ZBTB43: variants seen among roughly 807,000 people sequenced by gnomAD.
ZBTB43 encodes the protein zinc finger and BTB domain-containing protein 43.
Under a neutral mutation model 31.1 loss-of-function variants are expected in ZBTB43, and 6 were observed. That is an observed-to-expected ratio of 0.19 (90% CI 0.11 to 0.38). The LOEUF (loss-of-function observed/expected upper bound fraction) is 0.38, where lower values mean the gene tolerates loss of function less well. ZBTB43 is among the 10% of genes least tolerant of loss of function. The probability of loss-of-function intolerance (pLI) is 1.00; values close to 1 mark genes in which losing one functional copy is unlikely to be tolerated. For synonymous variants in ZBTB43, 212 were observed against 221.7 expected (o/e 0.96, Z 0.39); for missense variants, 379 against 602.1 (o/e 0.63, Z 3.88).
At chr9:126,816,314 T>C (rs995173686) in intron 2 of ZBTB43, among the ~76,000 whole-genome samples, 10 of 152,204 alleles carry the variant, frequency 6.6e-5, no homozygotes, top group Admixed American at 5.9e-4. Flanking sequence ...CTGCTTCTTA[T>C]TGCCTGTGTA....
intron 2 of ZBTB43, among the ~76,000 whole-genome samples, chr9:126,830,777 T>G (rs1344455484): frequency 6.6e-6 from 1 of 151,772 alleles, no homozygotes; most frequent in Non-Finnish European, 1.5e-5. Flanking sequence ...TTTGGGGGAA[T>G]TACAGAGTAT....
chr9:126,813,938 T>C (rs1173721633), intron 2 of ZBTB43, among the ~76,000 whole-genome samples: 1 of 152,208 alleles, frequency 6.6e-6, no homozygotes, highest in Non-Finnish European at 1.5e-5. Context: ...ATTTCCGCTT[T>C]GGAGAATTTA....
At chr9:126,824,454 A>C (rs533333724) in intron 2 of ZBTB43, among the ~76,000 whole-genome samples, 75 of 152,236 alleles carry the variant, frequency 4.9e-4, no homozygotes, top group Non-Finnish European at 4.4e-5. Context: ...TTGTAGAGCA[A>C]GTCTACAGGT....
rs147436593 is a variant in ZBTB43, at chr9:126,833,163, C to T, written c.654C>T (p.Gly218=). 718 of 1,613,882 alleles carry T rather than the reference C, an allele frequency of 4.4e-4. 5 individuals carry two copies. The African/African-American group carries it at 8.3e-3, about 19-fold the overall frequency. ...TEMASQDGEE[G]ASDSAEFHYT... The stretch of plus-strand genomic sequence containing the variant: ...TGGCAAGCCAGGATGGGGAGGAGGG[C>T]GCCAGCGACAGCGCCGAGTTCCACT... The change falls in exon 3 of 3, where the codon GGC becomes GGT. Residue 218 remains glycine, a synonymous_variant. Coordinates refer to ENST00000373464, the MANE Select transcript of ZBTB43 (RefSeq NM_014007.4). This position sits in a 1 kb window ranked among gnomAD's most constrained non-coding sequence, Gnocchi z 7.9.
intron 2 of ZBTB43, among the ~76,000 whole-genome samples, chr9:126,817,226 T>C (rs1457300323): frequency 1.4e-5 from 2 of 147,994 alleles, no homozygotes; most frequent in Non-Finnish European, 3.0e-5. Flanking sequence ...ATTTCCCCTC[T>C]TCAGCCTTCT....
At chr9:126,828,654 A>AATTATTATTATTATT (rs59664603) in intron 2 of ZBTB43, among the ~76,000 whole-genome samples, 18 of 127,724 alleles carry the variant, frequency 1.4e-4, no homozygotes, top group African/African-American at 4.7e-4. Context: ...TAATAATAAT[A>AATTATTATTATTATT]ATTATTATTA....
At chr9:126,805,659 T>C (rs1282015280) in intron 1 of ZBTB43, among the ~76,000 whole-genome samples, 1 of 152,228 alleles carries the variant, frequency 6.6e-6, no homozygotes, top group Admixed American at 6.5e-5. Flanking sequence ...GTCAACCTGA[T>C]ATTTCTCTCC....
At position 126,833,127 on chromosome 9, in the gene ZBTB43, G is replaced by C; in HGVS notation, c.618G>C (p.Leu206=). 6.2e-7 allele frequency: 1 copy of C among 1,614,052 alleles called. No individual in the cohort carries two copies. The highest frequency in any genetic ancestry group is 8.5e-7 in the Non-Finnish European group (1 of 1,180,056). Reference sequence around the variant, plus strand: ...ACTCGTCCACAGAGCATGACCGCCTGAGCACGGAAATGGCAAGCCAGGATG... The same window carrying C: ...ACTCGTCCACAGAGCATGACCGCCTCAGCACGGAAATGGCAAGCCAGGATG... ...PSNSSTEHDR[L]STEMASQDGE... The change falls in exon 3 of 3, where the codon CTG becomes CTC. Residue 206 remains leucine (L), a synonymous_variant. Coordinates refer to ENST00000373464, the MANE Select transcript of ZBTB43 (RefSeq NM_014007.4). This position sits in a 1 kb window ranked among gnomAD's most constrained non-coding sequence, Gnocchi z 7.9.
At chr9:126,813,632 A>T (rs2032298286) in intron 2 of ZBTB43, among the ~76,000 whole-genome samples, 1 of 152,092 alleles carries the variant, frequency 6.6e-6, no homozygotes, top group Non-Finnish European at 1.5e-5. Flanking sequence ...TGGACCAATA[A>T]CTCAGTGTCT....
intron 2 of ZBTB43, among the ~76,000 whole-genome samples, chr9:126,824,311 C>T (rs190862178): frequency 6.6e-6 from 1 of 152,362 alleles, no homozygotes; most frequent in Admixed American, 6.5e-5. Flanking sequence ...AGGCATGAGC[C>T]ACTGAGCCCA....
At position 126,836,853 on chromosome 9, in the gene ZBTB43, C is replaced by G. The variant is rs375580565; in HGVS notation, c.*2940C>G. On this transcript the variant is annotated 3_prime_UTR_variant, in exon 3 of 3. Coordinates refer to ENST00000373464, the MANE Select transcript of ZBTB43 (RefSeq NM_014007.4). ...GCATGGTGGCTCACGCCTGTAATCC[C>G]AGCACTTTGGGAGGCCGAGATGGGT... The G allele has an allele frequency of 1.9e-5, 3 of 159,656 alleles. No individual in the cohort carries two copies. Among genetic ancestry groups the G allele is most frequent in the African/African-American group, 7.2e-5 (3 of 41,538 alleles). 9.9% of individuals were successfully genotyped at this position (159,656 alleles called of 1,614,324 possible).
chr9:126,822,099 G>A (rs537557956), intron 2 of ZBTB43, among the ~76,000 whole-genome samples: 1 of 151,464 alleles, frequency 6.6e-6, no homozygotes, highest in Admixed American at 6.6e-5. Context: ...TCAGGTGCTC[G>A]CCCGCCTGGG....
chr9:126,831,392 T>A (rs1029734415), intron 2 of ZBTB43: 1 of 152,204 alleles, frequency 6.6e-6, no homozygotes, highest in Admixed American at 6.6e-5. Flanking sequence ...TAGACCCAGC[T>A]ACACAAGAGG....
chr9:126,823,964 T>G (rs1238493314), intron 2 of ZBTB43, among the ~76,000 whole-genome samples: 1 of 152,254 alleles, frequency 6.6e-6, no homozygotes, highest in African/African-American at 2.4e-5. Flanking sequence ...ATAATTGTTT[T>G]ATGCATTCAT....
rs914718192 is a variant in ZBTB43, at chr9:126,834,049, C to T, written c.*136C>T. ...AAAAAAGGAAGATATTTCTGAAAGA[C>T]CAGCTCTAAGTAGGCCAATTAAAAA... On this transcript the variant is annotated 3_prime_UTR_variant, in exon 3 of 3. Coordinates refer to ENST00000373464, the MANE Select transcript of ZBTB43 (RefSeq NM_014007.4). The T allele has an allele frequency of 2.8e-6, 3 of 1,056,560 alleles. No individual in the cohort carries two copies. The African/African-American group carries it at 4.8e-5, about 17-fold the overall frequency. The allele number at this position is 1,056,560 out of a possible 1,614,324, so 65.4% of individuals were successfully genotyped here. A position where few individuals can be genotyped will look rare whatever the true frequency, so the allele number is the denominator to read the frequency against.
At chr9:126,804,483 TTTGTTGTTG>T (rs143192446), upstream of ZBTB43, among the ~76,000 whole-genome samples, 6 of 151,922 alleles carry the variant, frequency 3.9e-5, no homozygotes, top group East Asian at 9.7e-4. Flanking sequence ...TTTTGTTTGT[TTTGTTGTTG>T]TTGTTGTTGT....
intron 2 of ZBTB43, among the ~76,000 whole-genome samples, chr9:126,816,862 G>A (rs534773317): frequency 1.3e-5 from 2 of 152,074 alleles, no homozygotes; most frequent in East Asian, 1.9e-4. Context: ...CTGGGGCTAC[G>A]GAGTCCCACC....
chr9:126,817,376 G>A (rs928328378), intron 2 of ZBTB43, among the ~76,000 whole-genome samples: 2 of 151,956 alleles, frequency 1.3e-5, no homozygotes, highest in Non-Finnish European at 2.9e-5. Context: ...CTCCCAAAGT[G>A]CTGGGATTAC....
At chr9:126,807,227 C>T (rs2032146256) in intron 1 of ZBTB43, among the ~76,000 whole-genome samples, 1 of 152,176 alleles carries the variant, frequency 6.6e-6, no homozygotes, top group African/African-American at 2.4e-5. Flanking sequence ...TGAACTATGG[C>T]TTAATACGCT....
Sources: gnomAD v4.1 joint callset for allele counts (sites outside exome capture counted in the v4.1 genomes callset) on GRCh38, gnomAD v4.1.1 for gene constraint, Gnocchi (gnomAD v3.1) non-coding constraint, MANE v1.5 for transcripts, NCBI Gene and HGNC (gene_info 2026-07-23, HGNC 2026-07-21) for gene names.